The following IGF2BP2 variants were observed in gnomAD, a reference collection of about 807,000 sequenced individuals.
IGF2BP2 encodes insulin-like growth factor 2 mRNA-binding protein 2.
A neutral mutation model predicts 75.8 loss-of-function variants in IGF2BP2; 17 were observed. The observed-to-expected ratio is 0.22, with a 90% CI of 0.15 to 0.34. IGF2BP2 has a LOEUF of 0.34. Among genes scored for constraint, IGF2BP2 ranks in the 10% least tolerant of loss-of-function variants. IGF2BP2 has a pLI of 1.00. For missense variants in IGF2BP2, 516 were observed against 772.4 expected (o/e 0.67, Z 3.93); for synonymous variants, 288 against 295.6 (o/e 0.97, Z 0.26).
intron 2 of IGF2BP2, among the ~76,000 whole-genome samples, chr3:185,747,919 A>G (rs1447689515): frequency 6.6e-6 from 1 of 151,652 alleles, no homozygotes; most frequent in East Asian, 2.0e-4. Flanking sequence ...GCAGTGGTGC[A>G]ATCTCGGCTC....
intron 2 of IGF2BP2, among the ~76,000 whole-genome samples, chr3:185,700,200 G>A (rs1649844574): frequency 6.6e-6 from 1 of 152,002 alleles, no homozygotes; most frequent in Admixed American, 6.6e-5. Context: ...AGCAGAAAGA[G>A]AAAAGGAGAG....
intron 2 of IGF2BP2, chr3:185,729,931 A>C (rs936664512): frequency 1.3e-4 from 20 of 152,232 alleles, no homozygotes; most frequent in African/African-American, 4.6e-4. Context: ...CAAAAAGGTA[A>C]AACAATGTAT....
At chr3:185,811,824 T>C (rs1178241423) in intron 2 of IGF2BP2, among the ~76,000 whole-genome samples, 2 of 128,678 alleles carry the variant, frequency 1.6e-5, no homozygotes, top group African/African-American at 5.3e-5. Flanking sequence ...GTGCTCAGAG[T>C]AGGGTGTCTC....
chr3:185,675,726 C>T, intron 8 of IGF2BP2, 65 bp downstream of exon 8: 4 of 1,569,532 alleles, frequency 2.5e-6, no homozygotes, highest in African/African-American at 1.4e-5. Context: ...GATGAATGAA[C>T]TAGACGTATC....
intron 10 of IGF2BP2, among the ~76,000 whole-genome samples, chr3:185,666,725 A>G (rs2149176188): frequency 6.6e-6 from 1 of 152,312 alleles, no homozygotes; most frequent in South Asian, 2.1e-4. Flanking sequence ...TCTGTTTTGT[A>G]TCACTTTATA....
chr3:185,737,399 T>C (rs1360907486), intron 2 of IGF2BP2, among the ~76,000 whole-genome samples: 1 of 152,248 alleles, frequency 6.6e-6, no homozygotes, highest in African/African-American at 2.4e-5. Flanking sequence ...GTGGTAGTTC[T>C]AGTCCTGGAT....
At chr3:185,774,455 C>T (rs1734274326) in intron 2 of IGF2BP2, among the ~76,000 whole-genome samples, 1 of 151,918 alleles carries the variant, frequency 6.6e-6, no homozygotes, top group South Asian at 2.1e-4. Context: ...ATTAGCCAGG[C>T]ATGGTGGCAG....
intron 2 of IGF2BP2, among the ~76,000 whole-genome samples, chr3:185,737,996 T>C (rs905127033): frequency 1.3e-5 from 2 of 152,126 alleles, no homozygotes; most frequent in African/African-American, 4.8e-5. Context: ...CCAGAAAGAG[T>C]GTGCCAATTT....
At position 185,675,351 on chromosome 3, in the gene IGF2BP2, A is replaced by G. The variant is rs138243627; in HGVS notation, c.1016T>C (p.Ile339Thr). 7 of 1,612,394 alleles carry G rather than the reference A, an allele frequency of 4.3e-6. No homozygotes were observed. The highest frequency in any genetic ancestry group is 2.7e-5 in the African/African-American group (2 of 74,830). ...GTVEACASAE[I>T]EIMKKLREAF... is the part of the protein sequence containing the mutation. ...CTCACGCAGCTTCTTCATAATCTCT[A>G]TCTCAGCACTGGCACAGGCCTCAAC... Residue 339 changes from isoleucine to threonine, a missense_variant, in exon 9 of 16, where the codon ATA becomes ACA. Ile to Thr is a moderately conservative substitution (Grantham distance 89). Coordinates refer to ENST00000382199, the MANE Select transcript of IGF2BP2 (RefSeq NM_006548.6).
rs147876218 is a variant in IGF2BP2, at chr3:185,679,248, G to C, written c.813-3335C>G. On this transcript the variant is annotated intron_variant, in intron 7 of 15. Transcript: ENST00000382199. ...GATTTTTATTATAGTGATGTGCTTT[G>C]ATTTTCTTTTGTGCGTTCTCATAGA... Among the ~76,000 whole-genome samples, 399 of 150,822 alleles carry C rather than the reference G, an allele frequency of 2.6e-3. 1 individual carries two copies. Among genetic ancestry groups the C allele is most frequent in the African/African-American group, 9.2e-3 (378 of 41,094 alleles).
intron 2 of IGF2BP2, among the ~76,000 whole-genome samples, chr3:185,819,031 T>C (rs1740982023): frequency 6.6e-6 from 1 of 152,166 alleles, no homozygotes; most frequent in Non-Finnish European, 1.5e-5. Flanking sequence ...AAAGAAAACA[T>C]ATTGCACTTT....
At chr3:185,693,480 CTT>C (rs1560306135) in intron 4 of IGF2BP2, among the ~76,000 whole-genome samples, 2 of 152,144 alleles carry the variant, frequency 1.3e-5, no homozygotes, top group Admixed American at 6.5e-5. Flanking sequence ...TGACTGAACT[CTT>C]TGACTGTGTG....
At chr3:185,670,865 C>T (rs1447087480) in intron 10 of IGF2BP2, among the ~76,000 whole-genome samples, 4 of 152,172 alleles carry the variant, frequency 2.6e-5, no homozygotes, top group South Asian at 2.1e-4. Context: ...CCATCATGCC[C>T]GGCCTAGATT....
intron 4 of IGF2BP2, among the ~76,000 whole-genome samples, chr3:185,694,417 TTAG>T (rs983181608): frequency 1.3e-5 from 2 of 152,372 alleles, no homozygotes; most frequent in Admixed American, 6.5e-5. Context: ...TTCAAAGATG[TTAG>T]TCTTCAGGAA....
At chr3:185,766,809 G>A (rs1733141692) in intron 2 of IGF2BP2, among the ~76,000 whole-genome samples, 1 of 152,088 alleles carries the variant, frequency 6.6e-6, no homozygotes, top group Non-Finnish European at 1.5e-5. Context: ...GTTTAGAGAT[G>A]AGATCGCAAG....
intron 2 of IGF2BP2, among the ~76,000 whole-genome samples, chr3:185,817,468 T>G: frequency 6.6e-6 from 1 of 152,198 alleles, no homozygotes; most frequent in African/African-American, 2.4e-5. Context: ...TCTGAAGTTT[T>G]CTACAAAAGA....
intron 2 of IGF2BP2, among the ~76,000 whole-genome samples, chr3:185,741,395 T>C (rs1479779098): frequency 6.6e-6 from 1 of 152,224 alleles, no homozygotes; most frequent in Non-Finnish European, 1.5e-5. Context: ...TTGATTTTTA[T>C]TGAACTTCAT....
Position 185,667,530 on chromosome 3 carries a change from T to C in IGF2BP2, c.1200+5011A>G, listed in dbSNP as rs560106885. Reference sequence around the variant, plus strand: ...GGATATTTTATTTTACAGTCTTGGATGGAAGAAGGCTTTTTTCCTTAGCAT... The same window carrying C: ...GGATATTTTATTTTACAGTCTTGGACGGAAGAAGGCTTTTTTCCTTAGCAT... On this transcript the variant is annotated intron_variant, in intron 10 of 15. Coordinates refer to ENST00000382199, the MANE Select transcript of IGF2BP2 (RefSeq NM_006548.6). Among the ~76,000 whole-genome samples the C allele has an allele frequency of 3.6e-4, 55 of 152,314 alleles. 1 individual carries two copies. Among genetic ancestry groups the C allele is most frequent in the African/African-American group, 1.3e-3 (54 of 41,576 alleles).
intron 9 of IGF2BP2, among the ~76,000 whole-genome samples, chr3:185,672,997 C>A (rs972657099): frequency 1.3e-5 from 2 of 152,206 alleles, no homozygotes; most frequent in Admixed American, 6.5e-5. Flanking sequence ...TACCTCTGAG[C>A]CCCTTCACAT....
Sources: allele counts gnomAD v4.1 joint callset (sites outside exome capture counted in the v4.1 genomes callset), GRCh38; gene constraint gnomAD v4.1.1; transcripts MANE v1.5; gene names NCBI Gene and HGNC (gene_info 2026-07-23, HGNC 2026-07-21).